ENTREP2: variants seen among roughly 807,000 people sequenced by gnomAD.
ENTREP2 encodes the protein protein ENTREP2.
the ENTREP2 span, among the ~76,000 whole-genome samples, chr15:29,585,673 G>A: frequency 6.6e-5 from 10 of 152,040 alleles, no homozygotes; most frequent in Middle Eastern, 3.4e-3. Context: ...TGGCTAATAC[G>A]GGGAAACCCC....
At chr15:29,432,814 G>A in the ENTREP2 span, among the ~76,000 whole-genome samples, 6 of 152,052 alleles carry the variant, frequency 3.9e-5, no homozygotes, top group African/African-American at 1.4e-4. Context: ...CAGCTGTGAG[G>A]AGCCCTCAGC....
the ENTREP2 span, among the ~76,000 whole-genome samples, chr15:29,638,713 C>A: frequency 1.1e-4 from 16 of 152,190 alleles, no homozygotes; most frequent in Non-Finnish European, 1.8e-4. Flanking sequence ...CCCATCTCTA[C>A]AAAAGTTTAA....
the ENTREP2 span, among the ~76,000 whole-genome samples, chr15:29,429,753 A>C: frequency 0.03 from 4,572 of 152,280 alleles, 245 homozygotes; most frequent in African/African-American, 0.11. Context: ...TTCTCAAAGG[A>C]ATACAGAGAA....
the ENTREP2 span, among the ~76,000 whole-genome samples, chr15:29,468,147 A>G: frequency 6.6e-6 from 1 of 152,176 alleles, no homozygotes; most frequent in South Asian, 2.1e-4. Flanking sequence ...CAATACTGGG[A>G]GCACCCTCCT....
At chr15:29,484,793 C>T in the ENTREP2 span, among the ~76,000 whole-genome samples, 1 of 152,108 alleles carries the variant, frequency 6.6e-6, no homozygotes. Flanking sequence ...GAAATAAGAA[C>T]TTAAGTCACA....
At chr15:29,303,941 C>T in the ENTREP2 span, among the ~76,000 whole-genome samples, 26,391 of 151,950 alleles carry the variant, frequency 0.17, 2,846 homozygotes, top group Non-Finnish European at 0.24. Context: ...AATGCAGTGG[C>T]GTGATCTCGG....
the ENTREP2 span, among the ~76,000 whole-genome samples, chr15:29,173,984 T>A: frequency 1.3e-5 from 2 of 151,364 alleles, no homozygotes; most frequent in Non-Finnish European, 2.9e-5. Flanking sequence ...CTCTTTCATT[T>A]AGATGACTGG....
At chr15:29,674,687 G>A in the ENTREP2 span, among the ~76,000 whole-genome samples, 2 of 151,102 alleles carry the variant, frequency 1.3e-5, no homozygotes, top group African/African-American at 2.4e-5. Context: ...CTTTTCCCTA[G>A]GGAAAAGGAG....
the ENTREP2 span, among the ~76,000 whole-genome samples, chr15:29,605,039 A>G: frequency 6.6e-6 from 1 of 152,206 alleles, no homozygotes; most frequent in Non-Finnish European, 1.5e-5. Context: ...GTACAGATAG[A>G]TAACGTTTAA....
chr15:29,123,929 G>C, the ENTREP2 span, among the ~76,000 whole-genome samples: 1 of 152,172 alleles, frequency 6.6e-6, no homozygotes, highest in Non-Finnish European at 1.5e-5. Flanking sequence ...CCCTCTGCTA[G>C]AATCCCAAGG....
chr15:29,216,182 AT>A, the ENTREP2 span, among the ~76,000 whole-genome samples: 1 of 152,084 alleles, frequency 6.6e-6, no homozygotes, highest in Admixed American at 6.6e-5. Context: ...TTCTCTCAGC[AT>A]TTGTTTGTCT....
the ENTREP2 span, among the ~76,000 whole-genome samples, chr15:29,138,362 GGTCACC>G: frequency 6.6e-6 from 1 of 152,210 alleles, no homozygotes; most frequent in Non-Finnish European, 1.5e-5. Context: ...GCTGCCCAGA[GGTCACC>G]TGTGGCGTGA....
chr15:29,263,434 A>G, the ENTREP2 span, among the ~76,000 whole-genome samples: 1 of 152,222 alleles, frequency 6.6e-6, no homozygotes, highest in Non-Finnish European at 1.5e-5. Flanking sequence ...TTAGAGCTCT[A>G]GCAATGGGTG....
At chr15:29,159,659 C>T in the ENTREP2 span, among the ~76,000 whole-genome samples, 1 of 151,306 alleles carries the variant, frequency 6.6e-6, no homozygotes, top group Non-Finnish European at 1.5e-5. Context: ...ATACAGTGTC[C>T]ACACAAAGGC....
the ENTREP2 span, among the ~76,000 whole-genome samples, chr15:29,129,034 A>G: frequency 6.6e-6 from 1 of 152,188 alleles, no homozygotes; most frequent in African/African-American, 2.4e-5. Context: ...GTGAGGGTTC[A>G]AGTTGCCCTT....
chr15:29,157,058 T>C, the ENTREP2 span, among the ~76,000 whole-genome samples: 1 of 152,054 alleles, frequency 6.6e-6, no homozygotes, highest in Admixed American at 6.6e-5. Flanking sequence ...GATCATGCCA[T>C]TGTATTCCAG....
chr15:29,317,114 A>G, the ENTREP2 span, among the ~76,000 whole-genome samples: 22 of 152,222 alleles, frequency 1.4e-4, no homozygotes, highest in African/African-American at 4.3e-4. Context: ...TTGGTTTTAT[A>G]ATTACACAAA....
the ENTREP2 span, among the ~76,000 whole-genome samples, chr15:29,661,091 T>C: frequency 6.6e-6 from 1 of 152,202 alleles, no homozygotes; most frequent in Non-Finnish European, 1.5e-5. Flanking sequence ...AATTCTCCAT[T>C]TAATGAAAAT....
the ENTREP2 span, among the ~76,000 whole-genome samples, chr15:29,527,349 C>T: frequency 6.6e-6 from 1 of 152,162 alleles, no homozygotes; most frequent in African/African-American, 2.4e-5. Context: ...TGGGAAAATA[C>T]CTTTGAGAAA....
Sources: gnomAD v4.1 joint callset for allele counts (sites outside exome capture counted in the v4.1 genomes callset) on GRCh38, gnomAD v4.1.1 for gene constraint, MANE v1.5 for transcripts, NCBI Gene and HGNC (gene_info 2026-07-23, HGNC 2026-07-21) for gene names.